The following ANKFN1 variants were observed in gnomAD, a reference collection of about 807,000 sequenced individuals.
ANKFN1 encodes ankyrin repeat and fibronectin type III domain containing 1, also known as ankyrin repeat and fibronectin type-III domain-containing protein 1.
In ANKFN1, 74 loss-of-function variants were observed where a neutral mutation model predicts 108.7. The observed-to-expected ratio is 0.68, with a 90% CI of 0.56 to 0.83. ANKFN1 has a LOEUF of 0.83. Among genes scored for constraint, ANKFN1 ranks in the 40% least tolerant of loss-of-function variants. The pLI, the probability that ANKFN1 is intolerant of heterozygous loss-of-function variation, is 0.00. For synonymous variants in ANKFN1, 547 were observed against 516.2 expected (o/e 1.06, Z -0.81); for missense variants, 1,505 against 1,382.3 (o/e 1.09, Z -1.41).
At chr17:56,249,185 A>G (rs898404089) in intron 3 of ANKFN1, among the ~76,000 whole-genome samples, 65 of 152,188 alleles carry the variant, frequency 4.3e-4, no homozygotes, top group Non-Finnish European at 7.3e-5. Flanking sequence ...CTGCAATCCC[A>G]GCACTTTGGG....
intron 4 of ANKFN1, among the ~76,000 whole-genome samples, chr17:56,342,374 T>A (rs1370648576): frequency 6.6e-6 from 1 of 151,974 alleles, no homozygotes; most frequent in Non-Finnish European, 1.5e-5. Context: ...GTTCTCTAGG[T>A]TTTTTTGTTG....
intron 4 of ANKFN1, among the ~76,000 whole-genome samples, chr17:56,133,328 C>G (rs761836132): frequency 6.6e-6 from 1 of 152,108 alleles, no homozygotes; most frequent in African/African-American, 2.4e-5. Flanking sequence ...ACTATGACCC[C>G]CAAAGTAAAC....
chr17:56,126,385 T>C (rs757208220), intron 4 of ANKFN1, among the ~76,000 whole-genome samples: 3 of 152,054 alleles, frequency 2.0e-5, no homozygotes, highest in Non-Finnish European at 4.4e-5. Flanking sequence ...AAAGAGATGC[T>C]TTTCTCCCCC....
Position 56,510,977 on chromosome 17 carries a change from A to T in ANKFN1, c.3149A>T (p.Glu1050Val). 1 of 1,536,012 alleles carries T rather than the reference A, an allele frequency of 6.5e-7. No homozygotes were observed. The highest frequency in any genetic ancestry group is 2.0e-5 in the Admixed American group (1 of 51,004). ...QACGLAQEPKEAKRAGPALDD... is the reference protein window; with the variant it reads ...QACGLAQEPKVAKRAGPALDD... The stretch of plus-strand genomic sequence containing the variant: ...TGTGGTCTGGCCCAGGAGCCCAAGG[A>T]GGCCAAGCGGGCCGGCCCTGCCCTT... Residue 1050 changes from glutamate to valine, a missense_variant, in exon 21 of 21, where the codon GAG (glutamate) becomes GTG (valine). Glu to Val is a moderately radical substitution (Grantham distance 121). Transcript: ENST00000682825.
At chr17:56,454,203 A>T (rs1279503596) in intron 11 of ANKFN1, among the ~76,000 whole-genome samples, 1 of 151,004 alleles carries the variant, frequency 6.6e-6, no homozygotes, top group African/African-American at 2.4e-5. Flanking sequence ...CTTTTGCCTT[A>T]CTTTCTTGGA....
chr17:56,343,567 A>C (rs556813001), intron 4 of ANKFN1, among the ~76,000 whole-genome samples: 1 of 151,962 alleles, frequency 6.6e-6, no homozygotes, highest in East Asian at 1.9e-4. Flanking sequence ...TGATGTATCT[A>C]GATGTGGCTC....
chr17:56,463,484 G>A (rs192735593), intron 14 of ANKFN1, among the ~76,000 whole-genome samples: 1 of 152,248 alleles, frequency 6.6e-6, no homozygotes, highest in Non-Finnish European at 1.5e-5. Flanking sequence ...TCCTAGGCCA[G>A]AGGAGAGATA....
chr17:56,374,576 C>A lies in ANKFN1; in HGVS notation c.797-25C>A, dbSNP rs768068085. On this transcript the variant is annotated intron_variant, in intron 7 of 20. Transcript: ENST00000682825. Reference sequence around the variant, plus strand: ...TGAAAAGGATTTGCTATGTTAAGATCCTTGTGTTTTTCCTTCTGTCCCAGG... The same window carrying A: ...TGAAAAGGATTTGCTATGTTAAGATACTTGTGTTTTTCCTTCTGTCCCAGG... 10 of 1,536,422 alleles carry A rather than the reference C, an allele frequency of 6.5e-6. No individual in the cohort carries two copies. The African/African-American group carries it at 1.4e-4, about 21-fold the overall frequency.
chr17:56,047,421 G>A (rs1236709154), intron 4 of ANKFN1, among the ~76,000 whole-genome samples: 2 of 152,196 alleles, frequency 1.3e-5, no homozygotes, highest in African/African-American at 2.4e-5. Context: ...GCTTTGAGCA[G>A]CTGTGTGTAA....
Position 56,511,327 on chromosome 17 carries a change from C to T in ANKFN1, c.*58C>T, listed in dbSNP as rs1598744233. The T allele has an allele frequency of 2.8e-6, 4 of 1,427,122 alleles. No homozygotes were observed. The highest frequency in any genetic ancestry group is 3.7e-6 in the Non-Finnish European group (4 of 1,078,124). 88.4% of individuals were successfully genotyped at this position (1,427,122 alleles called of 1,614,324 possible). Reference sequence around the variant, plus strand: ...GCTGCTACCTGCGTTTTACATCACCCTTACCCCCATCCTGCCCCACTGTGT... The same window carrying T: ...GCTGCTACCTGCGTTTTACATCACCTTTACCCCCATCCTGCCCCACTGTGT... On this transcript the variant is annotated 3_prime_UTR_variant, in exon 21 of 21. Coordinates refer to ENST00000682825, the MANE Select transcript of ANKFN1 (RefSeq NM_001370326.1).
intron 1 of ANKFN1, among the ~76,000 whole-genome samples, chr17:56,157,168 G>T (rs978055107): frequency 1.6e-4 from 24 of 152,172 alleles, no homozygotes; most frequent in African/African-American, 5.8e-4. Flanking sequence ...TGGTCACCTG[G>T]CAGGGGACAG....
intron 4 of ANKFN1, among the ~76,000 whole-genome samples, chr17:56,146,746 G>A (rs934434268): frequency 2.0e-5 from 3 of 152,230 alleles, no homozygotes; most frequent in Admixed American, 2.0e-4. Context: ...TTTACCCCCT[G>A]GCCTCCAAGG....
At chr17:56,391,288 TA>T (rs1305720027) in intron 8 of ANKFN1, among the ~76,000 whole-genome samples, 11 of 142,314 alleles carry the variant, frequency 7.7e-5, no homozygotes, top group Non-Finnish European at 1.5e-4. Flanking sequence ...TATGTATATG[TA>T]CACACACACA....
chr17:56,232,251 A>G (rs924527989), intron 3 of ANKFN1, among the ~76,000 whole-genome samples: 1 of 152,150 alleles, frequency 6.6e-6, no homozygotes, highest in Admixed American at 6.6e-5. Flanking sequence ...TGCTCCTTTT[A>G]AAATGTTACA....
intron 4 of ANKFN1, among the ~76,000 whole-genome samples, chr17:56,116,990 GTTC>G (rs902290899): frequency 9.9e-5 from 15 of 152,068 alleles, no homozygotes; most frequent in African/African-American, 2.7e-4. Context: ...CTGTATGTAT[GTTC>G]TTCTTCAATA....
At chr17:56,362,811 C>T (rs985878559) in intron 6 of ANKFN1, among the ~76,000 whole-genome samples, 1 of 152,144 alleles carries the variant, frequency 6.6e-6, no homozygotes, top group Non-Finnish European at 1.5e-5. Flanking sequence ...TAAGAGACAA[C>T]CTGTGTATTG....
intron 6 of ANKFN1, among the ~76,000 whole-genome samples, chr17:56,362,295 T>C (rs990624048): frequency 6.6e-6 from 1 of 152,346 alleles, no homozygotes; most frequent in Middle Eastern, 3.4e-3. Context: ...ACACTTCCTA[T>C]GAAGCACTTT....
chr17:56,201,891 C>T (rs1004362222), intron 1 of ANKFN1, among the ~76,000 whole-genome samples: 1 of 152,148 alleles, frequency 6.6e-6, no homozygotes, highest in Admixed American at 6.5e-5. Context: ...AGAAAACTAC[C>T]ACTACCCCTG....
intron 14 of ANKFN1, among the ~76,000 whole-genome samples, chr17:56,464,787 C>G (rs907738067): frequency 6.6e-6 from 1 of 152,150 alleles, no homozygotes; most frequent in African/African-American, 2.4e-5. Flanking sequence ...TAACAGCTGT[C>G]TGAGCTGTAA....
Sources: gnomAD v4.1 joint callset for allele counts (sites outside exome capture counted in the v4.1 genomes callset) on GRCh38, gnomAD v4.1.1 for gene constraint, MANE v1.5 for transcripts, NCBI Gene and HGNC (gene_info 2026-07-23, HGNC 2026-07-21) for gene names.